The following GON4L variants were observed in gnomAD, a reference collection of about 807,000 sequenced individuals.
GON4L encodes the protein GON-4-like protein.
Under a neutral mutation model 211.8 loss-of-function variants are expected in GON4L, and 87 were observed. That is an observed-to-expected ratio of 0.41 (90% CI 0.35 to 0.49). The LOEUF (loss-of-function observed/expected upper bound fraction) is 0.49, where lower values mean the gene tolerates loss of function less well. GON4L is among the 20% of genes least tolerant of loss of function. The pLI is 0.15. For synonymous variants in GON4L, 875 were observed against 962.6 expected, an observed-to-expected ratio of 0.91 and a Z score of 1.68; for missense variants, 2,155 against 2,659.5, an observed-to-expected ratio of 0.81 and a Z score of 4.17.
chr1:155,824,535 G>A (rs1224267040), intron 3 of GON4L, among the ~76,000 whole-genome samples: 2 of 147,848 alleles, frequency 1.4e-5, no homozygotes, highest in Admixed American at 1.4e-4. Flanking sequence ...ATGAGGTCAG[G>A]ACTTCGAGAC....
At chr1:155,754,178 C>G (rs1660906837) in intron 28 of GON4L, 197 bp downstream of exon 28, 2 of 636,532 alleles carry the variant, frequency 3.1e-6, no homozygotes, top group East Asian at 5.7e-5. Context: ...AAGCTTTACT[C>G]ACAGAATTCT....
intron 11 of GON4L, among the ~76,000 whole-genome samples, chr1:155,802,271 CAT>C (rs1666738433): frequency 7.0e-6 from 1 of 142,774 alleles, no homozygotes; most frequent in Admixed American, 7.6e-5. Context: ...CCAAAAAAAT[CAT>C]ATGAAAAATT....
chr1:155,781,697 G>A (rs563303016), intron 14 of GON4L, among the ~76,000 whole-genome samples: 120 of 151,958 alleles, frequency 7.9e-4, no homozygotes, highest in Non-Finnish European at 1.4e-3. Context: ...TCCTGACCTT[G>A]TGATCCGCCT....
intron 2 of GON4L, among the ~76,000 whole-genome samples, chr1:155,841,586 T>A (rs941959957): frequency 6.6e-6 from 1 of 152,212 alleles, no homozygotes; most frequent in Non-Finnish European, 1.5e-5. Flanking sequence ...TCCACTTCCA[T>A]CTGGCCTACA....
chr1:155,829,667 T>C (rs1449180102), intron 2 of GON4L, among the ~76,000 whole-genome samples: 1 of 152,202 alleles, frequency 6.6e-6, no homozygotes, highest in Non-Finnish European at 1.5e-5. Context: ...GTTATCAACA[T>C]ACAGTTCTCA....
intron 17 of GON4L, 145 bp from the exon 18 acceptor site, chr1:155,773,355 T>C: frequency 1.2e-6 from 1 of 810,156 alleles, no homozygotes; most frequent in East Asian, 2.7e-5. Context: ...CCCCCAAAAG[T>C]TTCCAGTCTT....
rs150736139 is a variant in GON4L, at chr1:155,808,907, G to A, written c.1453-3766C>T. Among the ~76,000 whole-genome samples the A allele has an allele frequency of 2.5e-4, 38 of 151,958 alleles. No homozygotes were observed. In the East Asian group the frequency reaches 5.4e-3, roughly 22 times the overall value. On this transcript the variant is annotated intron_variant, in intron 10 of 31. Coordinates refer to ENST00000368331, the MANE Select transcript of GON4L (RefSeq NM_001282860.2). ...GATTATGGACATAAGCCACCAAACC[G>A]GACCCTGTTTTTTAAAATTTTTTTT...
chr1:155,826,781 CAT>C, intron 3 of GON4L, 54 bp downstream of exon 3: 1 of 1,168,022 alleles, frequency 8.6e-7, no homozygotes, highest in Non-Finnish European at 1.3e-6. Flanking sequence ...CAGTTTTCTA[CAT>C]ATTATACTTC....
intron 2 of GON4L, among the ~76,000 whole-genome samples, chr1:155,835,565 CA>C (rs1670218256): frequency 3.3e-5 from 5 of 152,000 alleles, no homozygotes; most frequent in Admixed American, 3.3e-4. Flanking sequence ...CACTGTTGGC[CA>C]CCCCCTAGGT....
rs1553207306 is a variant in GON4L at position 155,798,600 on chromosome 1, T to TTA, written c.1646-3450_1646-3449insTA. 9.5e-5 allele frequency among the ~76,000 whole-genome samples: 14 copies of TTA among 147,964 alleles called. No individual in the cohort carries two copies. The East Asian group carries it at 2.6e-3, about 27-fold the overall frequency. On this transcript the variant is annotated intron_variant, in intron 11 of 31. Coordinates refer to ENST00000368331, the MANE Select transcript of GON4L (RefSeq NM_001282860.2). Reference sequence around the variant, plus strand: ...AATTTTTTTTTTTTTTTTTTTTTTTTAGTAGAGACGGGGTTTCACTGTGTT... The same window carrying TTA: ...AATTTTTTTTTTTTTTTTTTTTTTTTTAAGTAGAGACGGGGTTTCACTGTGTT...
intron 24 of GON4L, 84 bp downstream of exon 24, chr1:155,760,360 G>C (rs1661664696): frequency 2.4e-6 from 2 of 826,522 alleles, no homozygotes; most frequent in Non-Finnish European, 2.0e-6. Flanking sequence ...CTGGGAGACT[G>C]AAAGAGTCTT....
chr1:155,763,661 T>C (rs1015817311), intron 21 of GON4L, 97 bp from the exon 22 acceptor site: 5 of 1,086,142 alleles, frequency 4.6e-6, no homozygotes, highest in Middle Eastern at 2.1e-4. Flanking sequence ...AGTTAAACAA[T>C]GGGGAGCCCA....
chr1:155,762,186 C>A lies in GON4L; in HGVS notation c.4911+4G>T. The A allele has an allele frequency of 6.2e-7, 1 of 1,601,516 alleles. No homozygotes were observed. The highest frequency in any genetic ancestry group is 8.5e-7 in the Non-Finnish European group (1 of 1,173,718). On this transcript the variant is annotated splice_donor_region_variant and intron_variant, in intron 23 of 31. Coordinates refer to ENST00000368331, the MANE Select transcript of GON4L (RefSeq NM_001282860.2). The stretch of plus-strand genomic sequence containing the variant: ...GGCAATAACAGGAAGCAGCATTTGC[C>A]TACCCTGGTCAGATAAGCTTGGGCA...
At chr1:155,770,096 C>T (rs534086845) in intron 19 of GON4L, among the ~76,000 whole-genome samples, 96 of 149,202 alleles carry the variant, frequency 6.4e-4, no homozygotes, top group African/African-American at 2.2e-3. Flanking sequence ...ATATAATCCC[C>T]AGCTCCTTGG....
chr1:155,813,537 TA>T, intron 10 of GON4L, 96 bp downstream of exon 10: 1 of 898,754 alleles, frequency 1.1e-6, no homozygotes, highest in East Asian at 2.5e-5. Context: ...CTTACTTATA[TA>T]AAATTGTAGT....
At position 155,788,009 on chromosome 1, in the gene GON4L, T is replaced by G. The variant is rs535199313; in HGVS notation, c.1748-2635A>C. ...TTAATTATTTTTTATTTTATTTTTTTGAGACTGAGTCTCACTCTGTTGCCC... is the reference window on the plus strand; with the variant it reads ...TTAATTATTTTTTATTTTATTTTTTGGAGACTGAGTCTCACTCTGTTGCCC... On this transcript the variant is annotated intron_variant, in intron 12 of 31. Transcript: ENST00000368331. Among the ~76,000 whole-genome samples the G allele has an allele frequency of 1.2e-4, 18 of 152,312 alleles. 1 individual carries two copies. The East Asian group carries it at 1.9e-3, about 16-fold the overall frequency.
intron 11 of GON4L, among the ~76,000 whole-genome samples, chr1:155,804,130 C>G (rs1229460908): frequency 6.6e-6 from 1 of 150,866 alleles, no homozygotes; most frequent in East Asian, 2.0e-4. Flanking sequence ...TGCCTGTAAT[C>G]CTAGCTCTCT....
In GON4L at chr1:155,753,365, C is replaced by T; in HGVS notation, c.5681G>A (p.Gly1894Asp). The change falls in exon 29 of 32, where the codon GGC becomes GAC. Residue 1894 changes from glycine (G) to aspartate (D), a missense_variant. Gly to Asp is a moderately conservative substitution (Grantham distance 94, BLOSUM62 -1). Coordinates refer to ENST00000368331, the MANE Select transcript of GON4L (RefSeq NM_001282860.2). ...YKSKEPHELV[G>D]SSPHREASPM... ...ACTAGCCTCTCGGTGGGGGCTGCTG[C>T]CCACCAACTCATGGGGCTCCTTGCT... 1.9e-6 allele frequency: 3 copies of T among 1,613,682 alleles called. No individual in the cohort carries two copies. The highest frequency in any genetic ancestry group is 2.5e-6 in the Non-Finnish European group (3 of 1,179,776).
chr1:155,814,238 A>C, intron 9 of GON4L, 92 bp downstream of exon 9: 1 of 1,227,400 alleles, frequency 8.1e-7, no homozygotes, highest in South Asian at 1.2e-5. Flanking sequence ...GTGACAGCCC[A>C]GAATCACCAT....
Sources: allele counts gnomAD v4.1 joint callset (sites outside exome capture counted in the v4.1 genomes callset), GRCh38; gene constraint gnomAD v4.1.1; transcripts MANE v1.5; gene names NCBI Gene and HGNC (gene_info 2026-07-23, HGNC 2026-07-21).